Variants in ARHGAP44 observed in about 807,000 individuals in gnomAD.
The protein encoded by ARHGAP44 is Rho GTPase activating protein 44.
Under a neutral mutation model 106.8 loss-of-function variants are expected in ARHGAP44, and 43 were observed. That is an observed-to-expected ratio of 0.40 (90% CI 0.32 to 0.52). The LOEUF (loss-of-function observed/expected upper bound fraction) is 0.52, where lower values mean the gene tolerates loss of function less well. Ranked by LOEUF, ARHGAP44 falls within the 20% of genes least tolerant of loss-of-function variation. The pLI is 0.48. For missense variants in ARHGAP44, 866 were observed against 1,050.5 expected, an observed-to-expected ratio of 0.82 and a Z score of 2.43; for synonymous variants, 439 against 410.3, an observed-to-expected ratio of 1.07 and a Z score of -0.85.
At chr17:12,937,743 A>C (rs940255784) in intron 7 of ARHGAP44, among the ~76,000 whole-genome samples, 2 of 152,200 alleles carry the variant, frequency 1.3e-5, no homozygotes, top group African/African-American at 4.8e-5. Flanking sequence ...CACCAAGAAA[A>C]ATTATTTAAA....
intron 1 of ARHGAP44, among the ~76,000 whole-genome samples, chr17:12,815,204 T>C (rs113510518): frequency 6.6e-6 from 1 of 152,102 alleles, no homozygotes; most frequent in Non-Finnish European, 1.5e-5. Context: ...TAGAACAAAA[T>C]AGAAGAGGGA....
chr17:12,801,856 A>T (rs1211595165), intron 1 of ARHGAP44, among the ~76,000 whole-genome samples: 1 of 152,032 alleles, frequency 6.6e-6, no homozygotes, highest in Non-Finnish European at 1.5e-5. Flanking sequence ...TAACTTCCAA[A>T]TTTCTTAAAA....
intron 20 of ARHGAP44, among the ~76,000 whole-genome samples, chr17:12,989,101 C>CCAAA (rs1598173210): frequency 4.4e-5 from 2 of 45,164 alleles, no homozygotes; most frequent in African/African-American, 1.7e-4. Context: ...CCACCCCCCC[C>CCAAA]AAAAAAAAAA....
intron 1 of ARHGAP44, among the ~76,000 whole-genome samples, chr17:12,822,429 T>A (rs2034798151): frequency 6.6e-6 from 1 of 152,210 alleles, no homozygotes; most frequent in African/African-American, 2.4e-5. Flanking sequence ...TGCCCTTGGC[T>A]TGGGAGGAAG....
intron 16 of ARHGAP44, among the ~76,000 whole-genome samples, chr17:12,964,093 G>A (rs1450466535): frequency 1.3e-5 from 2 of 152,134 alleles, no homozygotes; most frequent in African/African-American, 4.8e-5. Context: ...ATTGTTTTCT[G>A]TACTTTTTAA....
chr17:12,859,740 A>T (rs959792964), intron 1 of ARHGAP44, among the ~76,000 whole-genome samples: 3 of 152,230 alleles, frequency 2.0e-5, no homozygotes, highest in Admixed American at 6.5e-5. Flanking sequence ...GTTTTATTAC[A>T]TTCGCAGTCG....
intron 15 of ARHGAP44, 138 bp downstream of exon 15, chr17:12,956,884 C>CACAT (rs2039141638): frequency 1.5e-6 from 1 of 647,998 alleles, no homozygotes; most frequent in African/African-American, 1.8e-5. Context: ...CACACACACA[C>CACAT]ACACGCATGC....
At chr17:12,886,879 A>G (rs912619496) in intron 1 of ARHGAP44, among the ~76,000 whole-genome samples, 4 of 151,710 alleles carry the variant, frequency 2.6e-5, no homozygotes, top group African/African-American at 9.7e-5. Flanking sequence ...GGAGGAAAGC[A>G]TGTAGTCTTT....
At chr17:12,793,415 C>A (rs1394490319) in intron 1 of ARHGAP44, among the ~76,000 whole-genome samples, 1 of 152,140 alleles carries the variant, frequency 6.6e-6, no homozygotes, top group Non-Finnish European at 1.5e-5. Context: ...TTGCCTGGAA[C>A]CTGCATTCTA....
chr17:12,798,280 A>G (rs1208498949), intron 1 of ARHGAP44, among the ~76,000 whole-genome samples: 2 of 152,186 alleles, frequency 1.3e-5, no homozygotes, highest in Non-Finnish European at 2.9e-5. Flanking sequence ...TATTAACCTC[A>G]ATTAAAATGC....
chr17:12,856,688 C>A (rs181470437), intron 1 of ARHGAP44, among the ~76,000 whole-genome samples: 1 of 152,140 alleles, frequency 6.6e-6, no homozygotes, highest in Non-Finnish European at 1.5e-5. Flanking sequence ...AGCTTTGTGA[C>A]CTTGGACAAG....
Position 12,974,357 on chromosome 17 carries a change from G to T in ARHGAP44, c.1763+47G>T, listed in dbSNP as rs1109766. 6.7e-6 allele frequency: 9 copies of T among 1,344,410 alleles called. 1 individual carries two copies. In the Admixed American group the frequency reaches 1.6e-4, roughly 24 times the overall value. 83.3% of individuals were successfully genotyped at this position (1,344,410 alleles called of 1,614,324 possible). On this transcript the variant is annotated intron_variant, in intron 18 of 20. Transcript: ENST00000379672. ...CCGGGCGGGCTGGTGTGCGGTGCAG[G>T]GGGTGTCTGGGTTGGCCGCACTGGA...
At chr17:12,820,566 TGAA>T (rs1410655739) in intron 1 of ARHGAP44, among the ~76,000 whole-genome samples, 2 of 152,068 alleles carry the variant, frequency 1.3e-5, no homozygotes, top group Non-Finnish European at 2.9e-5. Context: ...AATACAAAAA[TGAA>T]GAAGATGGAT....
In ARHGAP44 at chr17:12,902,452, A is replaced by G. The variant is rs116185107; in HGVS notation, c.198+5941A>G. Among the ~76,000 whole-genome samples the G allele has an allele frequency of 2.9e-3, 444 of 152,248 alleles. 4 individuals carry two copies. Among genetic ancestry groups the G allele is most frequent in the African/African-American group, 0.01 (428 of 41,546 alleles). ...CTATTTTATTTTCTTCATAGCACATATTAGTATCTGAAATCACTGTGATCA... is the reference window on the plus strand; with the variant it reads ...CTATTTTATTTTCTTCATAGCACATGTTAGTATCTGAAATCACTGTGATCA... On this transcript the variant is annotated intron_variant, in intron 3 of 20. Transcript: ENST00000379672.
intron 1 of ARHGAP44, among the ~76,000 whole-genome samples, chr17:12,840,103 A>G (rs985683358): frequency 1.3e-5 from 2 of 152,048 alleles, no homozygotes. Flanking sequence ...TTCTTAATTA[A>G]TTCTTTATGG....
intron 7 of ARHGAP44, among the ~76,000 whole-genome samples, chr17:12,939,297 T>A (rs2038640240): frequency 6.6e-6 from 1 of 151,958 alleles, no homozygotes; most frequent in African/African-American, 2.4e-5. Context: ...GCCCCTACTG[T>A]GCTAAACACT....
Position 12,957,748 on chromosome 17 carries a change from C to T in ARHGAP44, c.1343-969C>T, listed in dbSNP as rs191231728. Among the ~76,000 whole-genome samples, 40 of 152,270 alleles carry T rather than the reference C, an allele frequency of 2.6e-4. 1 individual carries two copies. The highest frequency in any genetic ancestry group is 2.1e-3 in the Admixed American group (32 of 15,288). ...GAGATAGCAGTTGTTACACTAAATT[C>T]GGCATCTGCTTAAAAACATAATAAT... On this transcript the variant is annotated intron_variant, in intron 15 of 20. Coordinates refer to ENST00000379672, the MANE Select transcript of ARHGAP44 (RefSeq NM_014859.6).
chr17:12,981,370 T>C (rs1195801723), intron 19 of ARHGAP44, among the ~76,000 whole-genome samples: 2 of 151,630 alleles, frequency 1.3e-5, no homozygotes, highest in Admixed American at 6.6e-5. Context: ...TGGTTTCTCC[T>C]TGGTCTAGAT....
At chr17:12,807,063 T>C (rs1198863984) in intron 1 of ARHGAP44, among the ~76,000 whole-genome samples, 1 of 152,214 alleles carries the variant, frequency 6.6e-6, no homozygotes, top group East Asian at 1.9e-4. Flanking sequence ...TTGCAGCTTA[T>C]ATTGGGTTGA....
Sources: allele counts gnomAD v4.1 joint callset (sites outside exome capture counted in the v4.1 genomes callset), GRCh38; gene constraint gnomAD v4.1.1; transcripts MANE v1.5; gene names NCBI Gene and HGNC (gene_info 2026-07-23, HGNC 2026-07-21).